NEB: variants seen among roughly 807,000 people sequenced by gnomAD.
NEB encodes nemaline myopathy type 2.
NEB carries 512 observed loss-of-function variants against 952.2 expected under a neutral mutation model. That is an observed-to-expected ratio of 0.54 (90% confidence interval 0.50 to 0.58). The LOEUF (loss-of-function observed/expected upper bound fraction) is 0.58. Ranked by LOEUF, NEB falls within the 20% of genes least tolerant of loss-of-function variation. The pLI is 0.00. For synonymous variants in NEB, 2,900 were observed against 3,149.8 expected, an observed-to-expected ratio of 0.92 and a Z score of 2.66; for missense variants, 8,428 against 9,231.1, an observed-to-expected ratio of 0.91 and a Z score of 3.56.
rs953526249 is a variant in NEB at position 151,710,521 on chromosome 2, G to A, written c.840C>T (p.Asp280=). The change falls in exon 11 of 182, where the codon GAC becomes GAT. Residue 280 remains aspartate, a synonymous_variant. Coordinates refer to ENST00000397345, the MANE Select transcript of NEB (RefSeq NM_001164508.2). Reference sequence around the variant, plus strand: ...ATTTGCCTTTGATTTTATTTTCATAGTCTTCTTTGTATTTTTGCTAGAAAA... The same window carrying A: ...ATTTGCCTTTGATTTTATTTTCATAATCTTCTTTGTATTTTTGCTAGAAAA... The part of the protein sequence containing the change: ...NQVSKQKYKE[D]YENKIKGKWS... The A allele has an allele frequency of 1.2e-6, 2 of 1,603,502 alleles. No homozygotes were observed. Among genetic ancestry groups the A allele is most frequent in the South Asian group, 1.1e-5 (1 of 89,262 alleles).
chr2:151,616,001 CATCACTAGCAAT>C lies in NEB; in HGVS notation c.11278_11289del (p.Ile3760_Asp3763del). 1.9e-6 allele frequency: 3 copies of C among 1,605,680 alleles called. No individual in the cohort carries two copies. The highest frequency in any genetic ancestry group is 1.7e-6 in the Non-Finnish European group (2 of 1,174,690). ...ATGGCTTTTCCAAAACATCCACTTA[CATCACTAGCAAT>C]ATCTCTTGAAGCCTTGGCTGCTTGG... On this transcript the variant is annotated inframe_deletion and splice_region_variant, in exon 76 of 182. Coordinates refer to ENST00000397345, the MANE Select transcript of NEB (RefSeq NM_001164508.2).
intron 84 of NEB, among the ~76,000 whole-genome samples, chr2:151,605,280 A>G (rs2097652701): frequency 7.6e-6 from 1 of 130,756 alleles, no homozygotes; most frequent in African/African-American, 2.5e-5. Flanking sequence ...GGTAGATACT[A>G]TTATTAACAT....
At chr2:151,729,866 GA>G (rs1414787116) in intron 3 of NEB, among the ~76,000 whole-genome samples, 1 of 152,176 alleles carries the variant, frequency 6.6e-6, no homozygotes, top group African/African-American at 2.4e-5. Flanking sequence ...CATCCAAATG[GA>G]CAAAGAGATG....
rs1257565401 is a variant in NEB at position 151,684,980 on chromosome 2, G to T, written c.2638-5C>A. 6.3e-7 allele frequency: 1 copy of T among 1,589,580 alleles called. No homozygotes were observed. Among genetic ancestry groups the T allele is most frequent in the South Asian group, 1.1e-5 (1 of 87,460 alleles). ...ATAATCTTTTCGATATTCGCGCTGT[G>T]AATAGGAAATTATCATTTATTATCA... On this transcript the variant is annotated splice_region_variant and splice_polypyrimidine_tract_variant and intron_variant, in intron 27 of 181. Coordinates refer to ENST00000397345, the MANE Select transcript of NEB (RefSeq NM_001164508.2).
Position 151,698,865 on chromosome 2 carries a change from CT to C in NEB, c.1153-1218del, listed in dbSNP as rs1245395824. On this transcript the variant is annotated intron_variant, in intron 13 of 181. Transcript: ENST00000397345. ...GTGTTAGCCAGGATGGTCTCCATCT[CT>C]TTTTTTTTTTTTTTAATTATACTTT... Among the ~76,000 whole-genome samples, 683 of 144,574 alleles carry C rather than the reference CT, an allele frequency of 4.7e-3. 2 individuals are homozygous for C. The highest frequency in any genetic ancestry group is 8.9e-3 in the African/African-American group (353 of 39,504). 94.8% of individuals were successfully genotyped at this position (144,574 alleles called of 152,430 possible).
chr2:151,675,770 A>ATTATCC (rs143944381), intron 34 of NEB, among the ~76,000 whole-genome samples: 1 of 125,156 alleles, frequency 8.0e-6, no homozygotes, highest in African/African-American at 3.9e-5. Flanking sequence ...GAGAGAAAGT[A>ATTATCC]GTAGTTAGAA....
intron 63 of NEB, among the ~76,000 whole-genome samples, chr2:151,636,759 C>T (rs1287637826): frequency 6.7e-6 from 1 of 150,246 alleles, no homozygotes; most frequent in East Asian, 2.0e-4. Context: ...CCAGCCTGGG[C>T]AACAAGAGTG....
In NEB at chr2:151,570,270, G is replaced by T; in HGVS notation, c.17241C>A (p.Tyr5747Ter). The change falls in exon 109 of 182, where the codon TAC becomes TAA. Residue 5747 changes from tyrosine (Y) to a stop codon, truncating the protein, a stop_gained. Transcript: ENST00000397345. LOFTEE classifies it high-confidence loss of function. The part of the protein sequence containing the change: ...IADKLQNERE[Y>*]RLDWAKWKAK... The stretch of plus-strand genomic sequence containing the variant: ...CCTTCCATTTGGCCCAGTCCAGCCG[G>T]TACTCTCGTTCATTCTGGAGCTTGT... 1 of 1,613,738 alleles carries T rather than the reference G, an allele frequency of 6.2e-7. No individual in the cohort carries two copies. Among genetic ancestry groups the T allele is most frequent in the Admixed American group, 1.7e-5 (1 of 59,992 alleles).
chr2:151,487,690 C>G (rs1256964692), intron 181 of NEB, among the ~76,000 whole-genome samples: 1 of 152,072 alleles, frequency 6.6e-6, no homozygotes, highest in Non-Finnish European at 1.5e-5. Flanking sequence ...CAAATAATTT[C>G]TGAAGAAAAA....
Position 151,672,664 on chromosome 2 carries a change from G to A in NEB, c.4004C>T (p.Ala1335Val). 3 of 1,613,394 alleles carry A rather than the reference G, an allele frequency of 1.9e-6. No individual in the cohort carries two copies. Among genetic ancestry groups the A allele is most frequent in the East Asian group, 4.5e-5 (2 of 44,870 alleles). ...ATGCTTTCCCTTTGACTTCTCATAA[G>A]CTTCCTTGTATTTATACTGTGGAGG... ...NIASDYKYKE[A>V]YEKSKGKHVG... Residue 1335 changes from alanine (A) to valine (V), a missense_variant, in exon 37 of 182, where the codon GCT becomes GTT. Ala to Val is a moderately conservative substitution (Grantham distance 64). Transcript: ENST00000397345.
Position 151,650,325 on chromosome 2 carries a change from C to G in NEB, c.7282G>C (p.Gly2428Arg). 1 of 1,613,804 alleles carries G rather than the reference C, an allele frequency of 6.2e-7. No individual in the cohort carries two copies. Among genetic ancestry groups the G allele is most frequent in the African/African-American group, 1.3e-5 (1 of 74,984 alleles). Residue 2428 changes from glycine (G) to arginine (R), a missense_variant, in exon 54 of 182, where the codon GGT becomes CGT. Gly to Arg is a moderately radical substitution (Grantham distance 125, BLOSUM62 -2). This residue lies in a region of NEB where 1,772 missense variants were observed against 1,960.3 expected (regional missense o/e 0.90). Coordinates refer to ENST00000397345, the MANE Select transcript of NEB (RefSeq NM_001164508.2). ...WLRGIGWSPL[G>R]SLEAEKNKRA... ...TTGTTCTTTTCTGCCTCTAAAGAACCCAAGGGACTCCATCCTATGCCTCTC... is the reference window on the plus strand; with the variant it reads ...TTGTTCTTTTCTGCCTCTAAAGAACGCAAGGGACTCCATCCTATGCCTCTC...
At chr2:151,617,502 A>G in intron 74 of NEB, 34 bp from the exon 75 acceptor site, 2 of 1,350,080 alleles carry the variant, frequency 1.5e-6, no homozygotes, top group Non-Finnish European at 2.0e-6. Flanking sequence ...AGAGAGAGAG[A>G]GAAAAATTAT....
rs2090445315 is a variant in NEB, at chr2:151,531,062, C to T, written c.21562G>A (p.Gly7188Ser). 3 of 1,613,440 alleles carry T rather than the reference C, an allele frequency of 1.9e-6. No individual in the cohort carries two copies. Among genetic ancestry groups the T allele is most frequent in the Non-Finnish European group, 2.5e-6 (3 of 1,179,636 alleles). Residue 7188 changes from glycine to serine, a missense_variant, in exon 145 of 182, where the codon GGC (glycine) becomes AGC (serine). Gly to Ser is a moderately conservative substitution (Grantham distance 56). Coordinates refer to ENST00000397345, the MANE Select transcript of NEB (RefSeq NM_001164508.2). ...GGTGTGTCGTGGATTGTGGTGTAGC[C>T]TCTGGGTTTGGCCTTGTTGTATTCC... ...KLEYNKAKPR[G>S]YTTIHDTPML...
intron 54 of NEB, among the ~76,000 whole-genome samples, chr2:151,649,516 AG>A (rs1173938111): frequency 6.6e-6 from 1 of 152,202 alleles, no homozygotes; most frequent in Non-Finnish European, 1.5e-5. Flanking sequence ...TACAGATTTC[AG>A]GGCACATACT....
At chr2:151,630,323 T>C (rs1027096102) in intron 67 of NEB, among the ~76,000 whole-genome samples, 4 of 152,216 alleles carry the variant, frequency 2.6e-5, no homozygotes, top group Middle Eastern at 3.2e-3. Context: ...TTATTTTAAC[T>C]GAGGCCTTTT....
At chr2:151,512,018 TC>T (rs1401448877) in intron 161 of NEB, among the ~76,000 whole-genome samples, 77 of 119,736 alleles carry the variant, frequency 6.4e-4, no homozygotes, top group Admixed American at 4.0e-3. Flanking sequence ...ACCCTCTCAC[TC>T]TTTTTTTTTT....
chr2:151,695,756 G>A (rs771039251), intron 17 of NEB, 74 bp from the exon 18 acceptor site: 5 of 1,120,264 alleles, frequency 4.5e-6, no homozygotes, highest in South Asian at 4.0e-5. Context: ...GGTACATTTT[G>A]TAAAGTTAGT....
chr2:151,695,597 T>A lies in NEB; in HGVS notation c.1655A>T (p.Asn552Ile), dbSNP rs777578577. ...DTPAFIQHKV[N>I]AYNLSDNLYK... ...ACTTACATCACTCAAGTTATAGGCATTGACTTTGTGCTGGATAAAAGCAGG... is the reference window on the plus strand; with the variant it reads ...ACTTACATCACTCAAGTTATAGGCAATGACTTTGTGCTGGATAAAAGCAGG... The change falls in exon 18 of 182, where the codon AAT (asparagine) becomes ATT (isoleucine). Residue 552 changes from asparagine to isoleucine, a missense_variant. By Grantham distance (149) the Asn-to-Ile change is moderately radical (BLOSUM62 -3). Transcript: ENST00000397345. 39 of 1,613,652 alleles carry A rather than the reference T, an allele frequency of 2.4e-5. No homozygotes were observed. The highest frequency in any genetic ancestry group is 3.2e-5 in the Non-Finnish European group (38 of 1,179,598).
chr2:151,653,966 C>A (rs2099059243), intron 52 of NEB, 26 bp downstream of exon 52: 1 of 1,482,470 alleles, frequency 6.7e-7, no homozygotes, highest in Non-Finnish European at 9.4e-7. Context: ...AAAATATAGC[C>A]TTATAGAACT....
Sources: gnomAD v4.1 joint callset for allele counts (sites outside exome capture counted in the v4.1 genomes callset) on GRCh38, gnomAD v4.1.1 for gene constraint, gnomAD v4.1.1 regional missense constraint, MANE v1.5 for transcripts, NCBI Gene and HGNC (gene_info 2026-07-23, HGNC 2026-07-21) for gene names.